Variants in SSBP2 observed in about 807,000 individuals in gnomAD.
SSBP2 encodes single-stranded DNA-binding protein 2.
A neutral mutation model predicts 61.8 loss-of-function variants in SSBP2; 17 were observed. The ratio of observed to expected loss-of-function variants is 0.28; its 90% confidence interval spans 0.19 to 0.41. The LOEUF (loss-of-function observed/expected upper bound fraction) is 0.41, where lower values mean the gene tolerates loss of function less well. Ranked by LOEUF, SSBP2 falls within the 10% of genes least tolerant of loss-of-function variation. The pLI is 1.00. For missense variants in SSBP2, 310 were observed against 458.7 expected (o/e 0.68, Z 2.96); for synonymous variants, 139 against 141.3 (o/e 0.98, Z 0.12).
intron 1 of SSBP2, among the ~76,000 whole-genome samples, chr5:81,657,603 T>G (rs1415472464): frequency 6.6e-6 from 1 of 152,014 alleles, no homozygotes; most frequent in African/African-American, 2.4e-5. Context: ...CAACTTGGAG[T>G]TGGGCCAAAT....
intron 1 of SSBP2, among the ~76,000 whole-genome samples, chr5:81,701,794 C>T (rs1243946022): frequency 6.6e-6 from 1 of 152,164 alleles, no homozygotes; most frequent in African/African-American, 2.4e-5. Flanking sequence ...ACTTCAGCAA[C>T]TCTGAGTCTT....
intron 3 of SSBP2, among the ~76,000 whole-genome samples, chr5:81,625,896 T>C (rs1747096776): frequency 6.6e-6 from 1 of 152,184 alleles, no homozygotes; most frequent in South Asian, 2.1e-4. Context: ...AAAAATTTTT[T>C]AAAAGACAGA....
rs1580626808 is a variant in SSBP2, at chr5:81,419,317, C to A, written c.*1187G>T. 6.6e-6 allele frequency: 1 copy of A among 152,166 alleles called. No homozygotes were observed. Among genetic ancestry groups the A allele is most frequent in the East Asian group, 1.9e-4 (1 of 5,194 alleles). 9.4% of individuals were successfully genotyped at this position (152,166 alleles called of 1,614,324 possible). A position where few individuals can be genotyped will look rare whatever the true frequency, so the allele number is the denominator to read the frequency against. ...CAGAGGCTCCCTGGCCAGTGAGAACCAATACCAGTCAATTCTGCTGGTAGC... is the reference window on the plus strand; with the variant it reads ...CAGAGGCTCCCTGGCCAGTGAGAACAAATACCAGTCAATTCTGCTGGTAGC... On this transcript the variant is annotated 3_prime_UTR_variant, in exon 17 of 17. Coordinates refer to ENST00000320672, the MANE Select transcript of SSBP2 (RefSeq NM_012446.5).
chr5:81,482,881 A>G (rs1184749913), intron 6 of SSBP2, among the ~76,000 whole-genome samples: 1 of 152,134 alleles, frequency 6.6e-6, no homozygotes, highest in Middle Eastern at 3.2e-3. Flanking sequence ...TGCCTTCCTC[A>G]CTAAATGTAA....
At chr5:81,650,152 A>T in intron 2 of SSBP2, 115 bp downstream of exon 2, 1 of 678,130 alleles carries the variant, frequency 1.5e-6, no homozygotes, top group Non-Finnish European at 2.5e-6. Flanking sequence ...GTATACGGAT[A>T]ACTAGGAATT....
intron 6 of SSBP2, among the ~76,000 whole-genome samples, chr5:81,483,518 C>T (rs1184502360): frequency 6.6e-6 from 1 of 152,002 alleles, no homozygotes; most frequent in Non-Finnish European, 1.5e-5. Flanking sequence ...CTAGAAGAGC[C>T]TTTAGAAATA....
At chr5:81,738,251 G>A (rs1036224339) in intron 1 of SSBP2, among the ~76,000 whole-genome samples, 12 of 152,246 alleles carry the variant, frequency 7.9e-5, no homozygotes, top group African/African-American at 1.9e-4. Flanking sequence ...TTCAGTTTGC[G>A]AAAACTCATC....
At chr5:81,605,995 G>A (rs765753320) in intron 4 of SSBP2, among the ~76,000 whole-genome samples, 3 of 152,130 alleles carry the variant, frequency 2.0e-5, no homozygotes, top group Admixed American at 6.5e-5. Context: ...CAAACAGGTT[G>A]GTCCCTGAGG....
At chr5:81,639,258 T>C (rs192565201) in intron 2 of SSBP2, among the ~76,000 whole-genome samples, 2 of 152,222 alleles carry the variant, frequency 1.3e-5, no homozygotes, top group East Asian at 1.9e-4. Flanking sequence ...AACTTTCTAA[T>C]TGTTTACATT....
At chr5:81,501,130 G>C (rs1430388317) in intron 5 of SSBP2, among the ~76,000 whole-genome samples, 2 of 146,008 alleles carry the variant, frequency 1.4e-5, no homozygotes, top group African/African-American at 2.5e-5. Context: ...AGAATTGCTT[G>C]AACCCGGGAG....
At chr5:81,555,090 C>G (rs1772491356) in intron 4 of SSBP2, among the ~76,000 whole-genome samples, 1 of 151,994 alleles carries the variant, frequency 6.6e-6, no homozygotes, top group Admixed American at 6.6e-5. Context: ...TTATTTTTGA[C>G]CAAATAAAAT....
intron 5 of SSBP2, among the ~76,000 whole-genome samples, chr5:81,506,427 G>A (rs968499652): frequency 2.0e-5 from 3 of 152,036 alleles, no homozygotes; most frequent in Non-Finnish European, 4.4e-5. Context: ...CTACTTCAGA[G>A]TTTCAGTACC....
chr5:81,513,956 A>C (rs1768813327), intron 4 of SSBP2, among the ~76,000 whole-genome samples: 1 of 152,190 alleles, frequency 6.6e-6, no homozygotes, highest in Non-Finnish European at 1.5e-5. Context: ...ATAATGTGGT[A>C]TATTTTGATG....
chr5:81,502,879 A>C (rs1767901837), intron 5 of SSBP2, among the ~76,000 whole-genome samples: 1 of 152,224 alleles, frequency 6.6e-6, no homozygotes, highest in Admixed American at 6.5e-5. Flanking sequence ...TAAACAGACA[A>C]CCTATAGAAT....
At chr5:81,563,209 T>C (rs1308482947) in intron 4 of SSBP2, among the ~76,000 whole-genome samples, 3 of 152,128 alleles carry the variant, frequency 2.0e-5, no homozygotes, top group Non-Finnish European at 2.9e-5. Context: ...TCCACACATA[T>C]ATGGCGATTT....
intron 4 of SSBP2, among the ~76,000 whole-genome samples, chr5:81,540,871 A>C (rs973309159): frequency 6.6e-6 from 1 of 152,058 alleles, no homozygotes; most frequent in Non-Finnish European, 1.5e-5. Context: ...TTCAATATTA[A>C]GGGTTAAATA....
Position 81,488,555 on chromosome 5 carries a change from AT to A in SSBP2, c.432+694del, listed in dbSNP as rs1050123876. Reference sequence around the variant, plus strand: ...AAAACACCAATTCAGGTCCTTTGCTATTTTTTTTATATTATACTTTAAGTTT... The same window carrying A: ...AAAACACCAATTCAGGTCCTTTGCTATTTTTTTATATTATACTTTAAGTTT... On this transcript the variant is annotated intron_variant, in intron 6 of 16. Transcript: ENST00000320672. Among the ~76,000 whole-genome samples, 185 of 151,798 alleles carry A rather than the reference AT, an allele frequency of 1.2e-3. 1 individual carries two copies. The highest frequency in any genetic ancestry group is 4.4e-3 in the African/African-American group (183 of 41,402).
At chr5:81,600,781 T>C (rs946986020) in intron 4 of SSBP2, among the ~76,000 whole-genome samples, 1 of 152,068 alleles carries the variant, frequency 6.6e-6, no homozygotes, top group Admixed American at 6.6e-5. Context: ...ACTAAATTCC[T>C]TGAAAGTGAT....
intron 3 of SSBP2, among the ~76,000 whole-genome samples, chr5:81,634,183 C>G (rs1464237262): frequency 1.3e-5 from 2 of 152,172 alleles, no homozygotes; most frequent in African/African-American, 4.8e-5. Context: ...ACAAGCTATT[C>G]TCGCTGAAGC....
Sources: gnomAD v4.1 joint callset for allele counts (sites outside exome capture counted in the v4.1 genomes callset) on GRCh38, gnomAD v4.1.1 for gene constraint, MANE v1.5 for transcripts, NCBI Gene and HGNC (gene_info 2026-07-23, HGNC 2026-07-21) for gene names.